Variants in ULK4 observed in about 807,000 individuals in gnomAD.
The protein encoded by ULK4 is unc-51 like kinase 4, also known as inactive serine/threonine-protein kinase ULK4.
In ULK4, 133 loss-of-function variants were observed where a neutral mutation model predicts 160.6. The observed-to-expected ratio is 0.83, with a 90% confidence interval of 0.72 to 0.96. The LOEUF is 0.96. ULK4 is among the 40% of genes least tolerant of loss of function. The probability of loss-of-function intolerance (pLI) is 0.00; values close to 1 mark genes in which losing one functional copy is unlikely to be tolerated. For synonymous variants in ULK4, 534 were observed against 539.8 expected, an observed-to-expected ratio of 0.99 and a Z score of 0.15; for missense variants, 1,580 against 1,499.5, an observed-to-expected ratio of 1.05 and a Z score of -0.89.
chr3:41,669,359 C>T (rs943763964), intron 29 of ULK4, among the ~76,000 whole-genome samples: 3 of 152,124 alleles, frequency 2.0e-5, no homozygotes, highest in African/African-American at 7.2e-5. Flanking sequence ...GATCCCCCAA[C>T]CTCAGCCCAG....
intron 35 of ULK4, among the ~76,000 whole-genome samples, chr3:41,382,090 C>T (rs1262969513): frequency 6.6e-6 from 1 of 152,180 alleles, no homozygotes; most frequent in African/African-American, 2.4e-5. Context: ...GTCACATTAT[C>T]TAAAAGCTGC....
At chr3:41,486,940 A>C (rs1575294004) in intron 32 of ULK4, among the ~76,000 whole-genome samples, 1 of 152,316 alleles carries the variant, frequency 6.6e-6, no homozygotes, top group East Asian at 1.9e-4. Flanking sequence ...GCAATAAAGA[A>C]AGGAAATAAG....
At chr3:41,459,045 T>C (rs143674962) in intron 33 of ULK4, among the ~76,000 whole-genome samples, 4,542 of 151,648 alleles carry the variant, frequency 0.03, 220 homozygotes, top group African/African-American at 0.1. Flanking sequence ...TCAGCCACCG[T>C]GCCCAGCCTT....
At chr3:41,503,324 A>T (rs1169433723) in intron 32 of ULK4, among the ~76,000 whole-genome samples, 1 of 152,250 alleles carries the variant, frequency 6.6e-6, no homozygotes, top group African/African-American at 2.4e-5. Context: ...CAAGCTGGAC[A>T]TCACTTAAGG....
At chr3:41,404,980 C>A (rs1007805992) in intron 34 of ULK4, among the ~76,000 whole-genome samples, 1 of 152,094 alleles carries the variant, frequency 6.6e-6, no homozygotes, top group African/African-American at 2.4e-5. Context: ...AAAATGATTT[C>A]AACTTTTATT....
In ULK4 at chr3:41,911,376, A is replaced by G. The variant is rs1698778312; in HGVS notation, c.1026T>C (p.Thr342=). 1 of 1,614,012 alleles carries G rather than the reference A, an allele frequency of 6.2e-7. No homozygotes were observed. The highest frequency in any genetic ancestry group is 1.3e-5 in the African/African-American group (1 of 74,936). Reference sequence around the variant, plus strand: ...CAAGAGTACTCTTAGGCCGAAACTCAGTTGGATTTTCTGTAGCAGGAAAGT... The same window carrying G: ...CAAGAGTACTCTTAGGCCGAAACTCGGTTGGATTTTCTGTAGCAGGAAAGT... The part of the protein sequence containing the change: ...LGHSFRLENP[T]EFRPKSTLEG... Residue 342 remains threonine (T), a synonymous_variant, in exon 11 of 37, where the codon ACT becomes ACC. Coordinates refer to ENST00000301831, the MANE Select transcript of ULK4 (RefSeq NM_017886.4).
intron 8 of ULK4, 74 bp from the exon 9 acceptor site, chr3:41,912,973 T>G: frequency 7.5e-7 from 1 of 1,325,514 alleles, no homozygotes; most frequent in Non-Finnish European, 1.1e-6. Context: ...CATGTCCCAA[T>G]TACACATAGC....
At chr3:41,528,874 A>G (rs4973961) in intron 32 of ULK4, among the ~76,000 whole-genome samples, 19,251 of 146,070 alleles carry the variant, frequency 0.13, 1,588 homozygotes, top group Admixed American at 0.19. Context: ...ATAACTATTA[A>G]GTACTGGGCT....
chr3:41,246,724 C>T lies in ULK4; in HGVS notation c.*205G>A. 3.5e-6 allele frequency: 2 copies of T among 569,150 alleles called. No individual in the cohort carries two copies. The highest frequency in any genetic ancestry group is 3.1e-6 in the Non-Finnish European group (1 of 320,838). 35.3% of individuals were successfully genotyped at this position (569,150 alleles called of 1,614,324 possible). The stretch of plus-strand genomic sequence containing the variant: ...ACCTGGGCTTCCCAGATGCATTCCA[C>T]AGGAACCAAGGAAGTCCATTCTGAG... On this transcript the variant is annotated 3_prime_UTR_variant, in exon 37 of 37. Transcript: ENST00000301831.
At chr3:41,502,597 C>T (rs1575320528) in intron 32 of ULK4, among the ~76,000 whole-genome samples, 1 of 152,318 alleles carries the variant, frequency 6.6e-6, no homozygotes, top group South Asian at 2.1e-4. Flanking sequence ...TACAGTCATA[C>T]AGTGGAATAC....
At chr3:41,509,056 TAAAGA>T (rs2125922471) in intron 32 of ULK4, among the ~76,000 whole-genome samples, 1 of 151,908 alleles carries the variant, frequency 6.6e-6, no homozygotes, top group East Asian at 1.9e-4. Flanking sequence ...AACTCCAAAT[TAAAGA>T]AATCAAAAAC....
chr3:41,887,719 G>T (rs1419512079), intron 16 of ULK4, among the ~76,000 whole-genome samples: 1 of 152,014 alleles, frequency 6.6e-6, no homozygotes, highest in Non-Finnish European at 1.5e-5. Flanking sequence ...TACTCGGGAG[G>T]CTGAGGTAGG....
At chr3:41,858,814 T>C (rs1447971931) in intron 17 of ULK4, among the ~76,000 whole-genome samples, 2 of 145,366 alleles carry the variant, frequency 1.4e-5, no homozygotes, top group Non-Finnish European at 3.0e-5. Context: ...CCAAATTCTT[T>C]TTTCCCCCCC....
intron 30 of ULK4, among the ~76,000 whole-genome samples, chr3:41,658,147 GAATT>G (rs1166777145): frequency 6.6e-6 from 1 of 152,198 alleles, no homozygotes; most frequent in African/African-American, 2.4e-5. Flanking sequence ...TAAAGGTTTT[GAATT>G]AATAGGCACT....
At chr3:41,928,623 G>GAAAC (rs1268909859) in intron 5 of ULK4, among the ~76,000 whole-genome samples, 1 of 142,532 alleles carries the variant, frequency 7.0e-6, no homozygotes, top group East Asian at 2.0e-4. Context: ...ACAAAGAAAA[G>GAAAC]AAACAAACAC....
intron 32 of ULK4, among the ~76,000 whole-genome samples, chr3:41,564,674 G>C (rs1286156352): frequency 6.6e-6 from 1 of 151,772 alleles, no homozygotes; most frequent in East Asian, 1.9e-4. Flanking sequence ...GGCCAGGCTG[G>C]CCTCAAACTC....
rs113708489 is a variant in ULK4, at chr3:41,546,491, C to G, written c.3226+19534G>C. 7.2e-3 allele frequency among the ~76,000 whole-genome samples: 1,099 copies of G among 152,230 alleles called. 10 individuals are homozygous for G. The highest frequency in any genetic ancestry group is 0.025 in the African/African-American group (1,044 of 41,532). On this transcript the variant is annotated intron_variant, in intron 32 of 36. Transcript: ENST00000301831. ...AACATCTTTCATTACCATTCATCAT[C>G]ATGTCAGTTCAGCTCTCAGCCTTGC...
chr3:41,832,165 A>G (rs1303714375), intron 18 of ULK4, among the ~76,000 whole-genome samples: 1 of 152,216 alleles, frequency 6.6e-6, no homozygotes, highest in African/African-American at 2.4e-5. Flanking sequence ...CCAACAGTCC[A>G]AAAGCATTCT....
chr3:41,884,171 T>C (rs957118375), intron 16 of ULK4, among the ~76,000 whole-genome samples: 8 of 152,308 alleles, frequency 5.3e-5, no homozygotes, highest in Middle Eastern at 3.4e-3. Context: ...GCTGCAATAC[T>C]GCAACAGCGA....
Sources: allele counts gnomAD v4.1 joint callset (sites outside exome capture counted in the v4.1 genomes callset), GRCh38; gene constraint gnomAD v4.1.1; transcripts MANE v1.5; gene names NCBI Gene and HGNC (gene_info 2026-07-23, HGNC 2026-07-21).